FBXL13: variants seen among roughly 807,000 people sequenced by gnomAD.
The protein encoded by FBXL13 is F-box and leucine rich repeat protein 13.
Under a neutral mutation model 83.6 loss-of-function variants are expected in FBXL13, and 67 were observed. That is an observed-to-expected ratio of 0.80 (90% CI 0.66 to 0.98). FBXL13 has a LOEUF of 0.98. Ranked by LOEUF, FBXL13 falls within the 50% of genes least tolerant of loss-of-function variation. The probability of loss-of-function intolerance (pLI) is 0.00; values close to 1 mark genes in which losing one functional copy is unlikely to be tolerated. For synonymous variants in FBXL13, 272 were observed against 299.5 expected (o/e 0.91, Z 0.95); for missense variants, 822 against 866.5 (o/e 0.95, Z 0.64).
chr7:102,821,523 C>G (rs1259075697), intron 19 of FBXL13, among the ~76,000 whole-genome samples: 1 of 152,186 alleles, frequency 6.6e-6, no homozygotes, highest in African/African-American at 2.4e-5. Context: ...ACACTTTATA[C>G]TTTGATAATA....
chr7:103,018,151 G>A (rs1792614891), intron 6 of FBXL13, among the ~76,000 whole-genome samples: 1 of 152,230 alleles, frequency 6.6e-6, no homozygotes, highest in Non-Finnish European at 1.5e-5. Flanking sequence ...CAAGCCAGAA[G>A]AGAGTGGGGG....
chr7:102,967,962 AG>A (rs774216338), intron 7 of FBXL13, 59 bp downstream of exon 8: 13 of 1,304,056 alleles, frequency 1.0e-5, no homozygotes, highest in Non-Finnish European at 1.4e-5. Flanking sequence ...CTGGCTTCAC[AG>A]CAGTCCATTC....
intron 2 of FBXL13, chr7:103,055,141 G>T (rs182343720): frequency 1.6e-6 from 2 of 1,288,854 alleles, no homozygotes; most frequent in Admixed American, 2.3e-5. Flanking sequence ...GACAATCTTC[G>T]AATGTTTGGT....
At chr7:102,831,580 T>C (rs1800711648) in intron 18 of FBXL13, among the ~76,000 whole-genome samples, 1 of 152,196 alleles carries the variant, frequency 6.6e-6, no homozygotes. Context: ...TCTAGAGATC[T>C]ATCTACTTCT....
At chr7:102,973,966 C>T (rs1827111811) in intron 6 of FBXL13, among the ~76,000 whole-genome samples, 2 of 152,196 alleles carry the variant, frequency 1.3e-5, no homozygotes, top group South Asian at 2.1e-4. Context: ...GTGACGATCG[C>T]TCCTTTCATC....
intron 1 of FBXL13, among the ~76,000 whole-genome samples, chr7:103,057,325 A>C (rs1310175863): frequency 6.6e-6 from 1 of 152,168 alleles, no homozygotes; most frequent in East Asian, 1.9e-4. Flanking sequence ...CTTGAGGAGT[A>C]AGTTCTTTAT....
At chr7:102,831,302 A>G (rs1223760317) in intron 18 of FBXL13, among the ~76,000 whole-genome samples, 3 of 152,004 alleles carry the variant, frequency 2.0e-5, no homozygotes, top group Non-Finnish European at 4.4e-5. Flanking sequence ...ACCAGAGAAC[A>G]TGTGGTAAGG....
In FBXL13 at chr7:103,026,051, A is replaced by AAT. The variant is rs548511358; in HGVS notation, c.328-823_328-822dup. Among the ~76,000 whole-genome samples, 479 of 151,616 alleles carry AAT rather than the reference A, an allele frequency of 3.2e-3. 6 individuals carry two copies. The highest frequency in any genetic ancestry group is 0.015 in the Admixed American group (235 of 15,180). On this transcript the variant is annotated intron_variant, in intron 5 of 19. Transcript: ENST00000313221. ...ACATATAGCATAAATTATATATATT[A>AAT]ATATATATCAACCACTGTGTGCAAA...
chr7:102,940,426 G>A (rs1821200279), intron 8 of FBXL13, among the ~76,000 whole-genome samples: 1 of 148,892 alleles, frequency 6.7e-6, no homozygotes, highest in Non-Finnish European at 1.5e-5. Context: ...TAGCCAGGAT[G>A]GTCTCTATCT....
intron 6 of FBXL13, among the ~76,000 whole-genome samples, chr7:103,018,480 C>G (rs963022846): frequency 6.6e-6 from 1 of 152,146 alleles, no homozygotes; most frequent in Non-Finnish European, 1.5e-5. Context: ...AACATATTAA[C>G]CTTAAATGTA....
chr7:102,922,900 C>G (rs966404969), intron 10 of FBXL13, among the ~76,000 whole-genome samples: 1 of 152,058 alleles, frequency 6.6e-6, no homozygotes. Context: ...ATGGCATGAA[C>G]CCGGGAGGCG....
chr7:102,859,582 A>AGGAAGAGTGGAGTG (rs555408788), intron 16 of FBXL13, among the ~76,000 whole-genome samples: 32 of 152,242 alleles, frequency 2.1e-4, no homozygotes, highest in African/African-American at 7.0e-4. Flanking sequence ...TGGGAGGGAC[A>AGGAAGAGTGGAGTG]GGAAGAGTGG....
chr7:102,994,736 C>T (rs1829918842), intron 6 of FBXL13, among the ~76,000 whole-genome samples: 1 of 152,206 alleles, frequency 6.6e-6, no homozygotes, highest in Non-Finnish European at 1.5e-5. Context: ...GATTGGTTGA[C>T]ACTTGCAGAG....
chr7:102,931,993 T>G, intron 8 of FBXL13, 60 bp from the exon 10 acceptor site: 2 of 1,517,326 alleles, frequency 1.3e-6, no homozygotes, highest in Admixed American at 3.4e-5. Flanking sequence ...AACAAAGTTT[T>G]TCTATCTTAC....
intron 6 of FBXL13, among the ~76,000 whole-genome samples, chr7:102,999,185 C>A (rs578025421): frequency 6.6e-6 from 1 of 151,770 alleles, no homozygotes; most frequent in Non-Finnish European, 1.5e-5. Flanking sequence ...AATGTTCATA[C>A]GGTTGTCTTT....
chr7:102,943,914 C>T (rs770975963), intron 8 of FBXL13, among the ~76,000 whole-genome samples: 26 of 152,198 alleles, frequency 1.7e-4, no homozygotes, highest in Non-Finnish European at 3.1e-4. Flanking sequence ...GTTAGGACCC[C>T]ACCTTCCCAC....
intron 6 of FBXL13, among the ~76,000 whole-genome samples, chr7:102,969,092 T>G (rs1047531521): frequency 6.6e-6 from 1 of 152,334 alleles, no homozygotes; most frequent in Non-Finnish European, 1.5e-5. Context: ...TCTGTAGTTG[T>G]GTACAGTAAT....
Position 102,913,359 on chromosome 7 carries a change from AC to A in FBXL13, c.879-145del, listed in dbSNP as rs200379084. 2.9e-4 allele frequency: 274 copies of A among 933,508 alleles called. 1 individual carries two copies. In the East Asian group the frequency reaches 6.6e-3, roughly 23 times the overall value. 57.8% of individuals were successfully genotyped at this position (933,508 alleles called of 1,614,324 possible). ...CATTTAACTTTACTGTTAACTCTCT[AC>A]CTGTTAATTAAAGGAGACTACAGTG... On this transcript the variant is annotated intron_variant, in intron 10 of 19. Coordinates refer to ENST00000313221, the Ensembl canonical transcript of FBXL13.
At chr7:102,979,596 C>T (rs1408584538) in intron 6 of FBXL13, among the ~76,000 whole-genome samples, 1 of 152,130 alleles carries the variant, frequency 6.6e-6, no homozygotes, top group East Asian at 1.9e-4. Context: ...TTTAAGACAG[C>T]AAATACCTCT....
Sources: gnomAD v4.1 joint callset for allele counts (sites outside exome capture counted in the v4.1 genomes callset) on GRCh38, gnomAD v4.1.1 for gene constraint, MANE v1.5 for transcripts, NCBI Gene and HGNC (gene_info 2026-07-23, HGNC 2026-07-21) for gene names.